Variants in GPHN observed in about 807,000 individuals in gnomAD.
The protein encoded by GPHN is gephyrin.
A neutral mutation model predicts 95.5 loss-of-function variants in GPHN; 17 were observed. The observed-to-expected ratio is 0.18, with a 90% confidence interval of 0.12 to 0.27. The LOEUF (loss-of-function observed/expected upper bound fraction) is 0.27. GPHN is among the 10% of genes least tolerant of loss of function. GPHN has a pLI of 1.00. For missense variants in GPHN, 660 were observed against 978.1 expected, an observed-to-expected ratio of 0.67 and a Z score of 4.34; for synonymous variants, 320 against 322.5, an observed-to-expected ratio of 0.99 and a Z score of 0.08.
At chr14:67,473,251 G>A in the GPHN span, 6 of 870,230 alleles carry the variant, frequency 6.9e-6, no homozygotes, top group South Asian at 1.8e-5. The surrounding 1 kb of genome is among the most constrained non-coding windows in gnomAD (Gnocchi z 6.5). Context: ...ACCTGACCAC[G>A]GCCCCCCAAC....
chr14:67,712,303 T>G, the GPHN span, among the ~76,000 whole-genome samples: 1 of 152,094 alleles, frequency 6.6e-6, no homozygotes, highest in Non-Finnish European at 1.5e-5. Context: ...GGGAGAATTA[T>G]TTTGAGGTTA....
chr14:67,559,482 T>G, the GPHN span: 1 of 641,818 alleles, frequency 1.6e-6, no homozygotes. Context: ...CAACAAACGA[T>G]TTCTGCTCAC....
chr14:67,133,656 A>G (rs994807295), intron 17 of GPHN, among the ~76,000 whole-genome samples: 1 of 152,194 alleles, frequency 6.6e-6, no homozygotes, highest in African/African-American at 2.4e-5. Flanking sequence ...TGTTCAAAAG[A>G]TGTCATACCC....
intron 13 of GPHN, among the ~76,000 whole-genome samples, chr14:67,105,812 T>G (rs1185603347): frequency 6.6e-6 from 1 of 152,132 alleles, no homozygotes; most frequent in Non-Finnish European, 1.5e-5. Flanking sequence ...ACTACGGAAT[T>G]TAATCTATTT....
the GPHN span, among the ~76,000 whole-genome samples, chr14:67,544,855 G>C: frequency 6.6e-6 from 1 of 152,212 alleles, no homozygotes; most frequent in Non-Finnish European, 1.5e-5. Flanking sequence ...TACAGCAGTT[G>C]AGACCTGGAT....
the GPHN span, chr14:67,663,215 T>C: frequency 6.8e-7 from 1 of 1,472,088 alleles, no homozygotes. Flanking sequence ...AGAACAGGCT[T>C]CAGCTTCAAA....
At chr14:67,153,997 A>C (rs1303226540) in intron 18 of GPHN, among the ~76,000 whole-genome samples, 1 of 152,220 alleles carries the variant, frequency 6.6e-6, no homozygotes, top group South Asian at 2.1e-4. Flanking sequence ...TTTAAAAACA[A>C]TTTTTTGCAA....
intron 11 of GPHN, among the ~76,000 whole-genome samples, chr14:67,068,545 T>C (rs2076158431): frequency 6.6e-6 from 1 of 152,256 alleles, no homozygotes; most frequent in South Asian, 2.1e-4. Context: ...TCTGGCACCA[T>C]TCCCTGAAAT....
the GPHN span, chr14:67,571,965 G>T: frequency 2.0e-6 from 3 of 1,534,614 alleles, no homozygotes; most frequent in Non-Finnish European, 2.7e-6. Flanking sequence ...CTTCCCATGG[G>T]CACTTGAACA....
At chr14:67,450,557 C>T in the GPHN span, among the ~76,000 whole-genome samples, 4 of 152,200 alleles carry the variant, frequency 2.6e-5, no homozygotes, top group Non-Finnish European at 1.5e-5. Flanking sequence ...TGTGACTCTT[C>T]TTACGTCTTA....
chr14:66,776,994 G>A (rs922886794), intron 3 of GPHN, among the ~76,000 whole-genome samples: 2 of 151,336 alleles, frequency 1.3e-5, no homozygotes, highest in African/African-American at 4.9e-5. Context: ...CCACTAACTC[G>A]TCATCTAGCT....
intron 3 of GPHN, among the ~76,000 whole-genome samples, chr14:66,793,827 A>C (rs2060061574): frequency 6.6e-6 from 1 of 152,204 alleles, no homozygotes; most frequent in Non-Finnish European, 1.5e-5. Flanking sequence ...TACACTAGAA[A>C]ATATTCACTT....
chr14:66,616,720 T>A (rs1329296293), intron 1 of GPHN, among the ~76,000 whole-genome samples: 1 of 152,108 alleles, frequency 6.6e-6, no homozygotes, highest in Admixed American at 6.5e-5. Context: ...ACCCCTTTTT[T>A]TTTTAGACGG....
chr14:67,572,407 G>A, the GPHN span: 40 of 617,190 alleles, frequency 6.5e-5, 1 homozygote, highest in Admixed American at 1.5e-4. Context: ...TGGGGGCAGG[G>A]GGCGTGGGCT....
At chr14:67,729,127 G>T in the GPHN span, 3 of 1,520,888 alleles carry the variant, frequency 2.0e-6, no homozygotes, top group Non-Finnish European at 2.7e-6. Context: ...TTTGCTGCAG[G>T]AGATAAGCTG....
chr14:66,731,362 C>T (rs8010809), intron 2 of GPHN, among the ~76,000 whole-genome samples: 51,550 of 152,038 alleles, frequency 0.34, 13,113 homozygotes, highest in African/African-American at 0.69. Context: ...TGGAACTTCC[C>T]GGAGACTTGC....
chr14:67,186,222 G>A (rs1348345517), downstream of GPHN, among the ~76,000 whole-genome samples: 1 of 152,082 alleles, frequency 6.6e-6, no homozygotes, highest in African/African-American at 2.4e-5. Context: ...AGATATCTAA[G>A]TGAAGGAGAG....
At chr14:66,776,215 C>T (rs976243422) in intron 2 of GPHN, among the ~76,000 whole-genome samples, 1 of 152,056 alleles carries the variant, frequency 6.6e-6, no homozygotes, top group Non-Finnish European at 1.5e-5. Flanking sequence ...TTATTAAAAT[C>T]ATCAATAAGA....
At chr14:66,926,837 A>G (rs1489169340) in intron 8 of GPHN, among the ~76,000 whole-genome samples, 1 of 152,194 alleles carries the variant, frequency 6.6e-6, no homozygotes, top group African/African-American at 2.4e-5. Flanking sequence ...TTTGGGAAGT[A>G]TGGACATTTT....
Sources: gnomAD v4.1 joint callset for allele counts (sites outside exome capture counted in the v4.1 genomes callset) on GRCh38, gnomAD v4.1.1 for gene constraint, Gnocchi (gnomAD v3.1) non-coding constraint, MANE v1.5 for transcripts, NCBI Gene and HGNC (gene_info 2026-07-23, HGNC 2026-07-21) for gene names.